The following DNAH17 variants were observed in gnomAD, a reference collection of about 807,000 sequenced individuals.
DNAH17 encodes dynein axonemal heavy chain 17, also known as axonemal beta dynein heavy chain 17.
A neutral mutation model predicts 485.6 loss-of-function variants in DNAH17; 376 were observed. The ratio of observed to expected loss-of-function variants is 0.77; its 90% confidence interval spans 0.71 to 0.84. The LOEUF (loss-of-function observed/expected upper bound fraction) is 0.84. Ranked by LOEUF, DNAH17 falls within the 40% of genes least tolerant of loss-of-function variation. The pLI, the probability that DNAH17 is intolerant of heterozygous loss-of-function variation, is 0.00. For missense variants in DNAH17, 6,370 were observed against 5,839.3 expected, an observed-to-expected ratio of 1.09 and a Z score of -2.96; for synonymous variants, 3,031 against 2,405.9, an observed-to-expected ratio of 1.26 and a Z score of -7.60.
intron 31 of DNAH17, among the ~76,000 whole-genome samples, chr17:78,504,773 G>A (rs2090430970): frequency 6.6e-6 from 1 of 152,228 alleles, no homozygotes; most frequent in Middle Eastern, 3.4e-3. Context: ...TCTGAGTGGT[G>A]GGCTGTGCAG....
In DNAH17 at chr17:78,481,231, T is replaced by C. The variant is rs542577806; in HGVS notation, c.7650-445A>G. On this transcript the variant is annotated intron_variant, in intron 48 of 80. Coordinates refer to ENST00000389840, the MANE Select transcript of DNAH17 (RefSeq NM_173628.4). Reference sequence around the variant, plus strand: ...CATTCTCCTGCCTCAGCCTCCCGAGTAGCTGAGACTACAGGTGCCCGCCAC... The same window carrying C: ...CATTCTCCTGCCTCAGCCTCCCGAGCAGCTGAGACTACAGGTGCCCGCCAC... Among the ~76,000 whole-genome samples the C allele has an allele frequency of 1.1e-4, 17 of 151,178 alleles. No homozygotes were observed. In the South Asian group the frequency reaches 3.5e-3, roughly 32 times the overall value.
At chr17:78,469,150 CTTTT>C (rs888053961) in intron 54 of DNAH17, among the ~76,000 whole-genome samples, 24 of 139,882 alleles carry the variant, frequency 1.7e-4, no homozygotes, top group African/African-American at 7.3e-4. Flanking sequence ...CTGTCTTTTT[CTTTT>C]TTTTTGAGAC....
intron 73 of DNAH17, among the ~76,000 whole-genome samples, chr17:78,438,789 G>A (rs765540252): frequency 1.3e-4 from 20 of 152,084 alleles, no homozygotes; most frequent in Admixed American, 8.5e-4. Context: ...GTGAGCCACC[G>A]TGCCCAACCA....
chr17:78,501,037 T>C, intron 35 of DNAH17, 147 bp downstream of exon 35: 1 of 924,922 alleles, frequency 1.1e-6, no homozygotes, highest in Non-Finnish European at 1.5e-6. Flanking sequence ...GACACAGTGG[T>C]AGAACTGAAT....
In DNAH17 at chr17:78,463,023, T is replaced by C; in HGVS notation, c.8995A>G (p.Asn2999Asp). The C allele has an allele frequency of 2.5e-6, 4 of 1,613,970 alleles. 1 individual carries two copies. Among genetic ancestry groups the C allele is most frequent in the Non-Finnish European group, 3.4e-6 (4 of 1,179,878 alleles). The change falls in exon 57 of 81, where the codon AAC (asparagine) becomes GAC (aspartate). Residue 2999 changes from asparagine to aspartate, a missense_variant. Coordinates refer to ENST00000389840, the MANE Select transcript of DNAH17 (RefSeq NM_173628.4). ...FFMSYVHTTV[N>D]EMSRVYLATE... is the part of the protein sequence containing the mutation. ...GCCAGGTATACCCTGGACATCTCGT[T>C]GACGGTGGTGTGCACGTAGGACATG...
rs2092378111 is a variant in DNAH17 at position 78,572,729 on chromosome 17, G to C, written c.511C>G (p.Leu171Val). 1 of 1,610,550 alleles carries C rather than the reference G, an allele frequency of 6.2e-7. No homozygotes were observed. ...LLPIPEHLGSLDGTLESMERI... is the reference protein window; with the variant it reads ...LLPIPEHLGSVDGTLESMERI... ...TCCATGGACTCCAGCGTGCCATCCA[G>C]GCTGCCCAGGTGCTCCGGAATAGGC... Residue 171 changes from leucine to valine, a missense_variant, in exon 3 of 81, where the codon CTG becomes GTG. Leu to Val is a conservative substitution (Grantham distance 32). Transcript: ENST00000389840.
Position 78,552,769 on chromosome 17 carries a change from T to C in DNAH17, c.2215A>G (p.Ile739Val). The change falls in exon 15 of 81, where the codon ATA becomes GTA. Residue 739 changes from isoleucine to valine, a missense_variant. Transcript: ENST00000389840. ...TCAATTGCTTCCAGTTCTGACTTTATTAGTAGAAATTCTACTGCCTTCACT... is the reference window on the plus strand; with the variant it reads ...TCAATTGCTTCCAGTTCTGACTTTACTAGTAGAAATTCTACTGCCTTCACT... The part of the protein sequence containing the change: ...TIVKAVEFLL[I>V]KSELEAIDVK... The C allele has an allele frequency of 1.2e-6, 2 of 1,613,760 alleles. No homozygotes were observed. Among genetic ancestry groups the C allele is most frequent in the Non-Finnish European group, 1.7e-6 (2 of 1,179,638 alleles).
At chr17:78,432,514 C>T (rs1487755977) in intron 75 of DNAH17, among the ~76,000 whole-genome samples, 1 of 152,190 alleles carries the variant, frequency 6.6e-6, no homozygotes, top group Non-Finnish European at 1.5e-5. Flanking sequence ...GGTGTGCCTC[C>T]CAGGGAACTA....
intron 14 of DNAH17, among the ~76,000 whole-genome samples, chr17:78,557,175 TCACA>T (rs1184864348): frequency 6.6e-6 from 1 of 152,144 alleles, no homozygotes; most frequent in East Asian, 1.9e-4. Context: ...TCCTAGCCCC[TCACA>T]CACAGCTTCC....
At chr17:78,495,653 G>A (rs1410762408) in intron 38 of DNAH17, among the ~76,000 whole-genome samples, 1 of 152,132 alleles carries the variant, frequency 6.6e-6, no homozygotes, top group African/African-American at 2.4e-5. Context: ...GACCGGGCTG[G>A]TCTTGAACTC....
chr17:78,501,946 C>A (rs932863915), intron 33 of DNAH17, 73 bp from the exon 34 acceptor site: 4 of 1,592,310 alleles, frequency 2.5e-6, no homozygotes, highest in African/African-American at 1.3e-5. Flanking sequence ...GGCTGGGTGC[C>A]CACAGCTGCA....
At chr17:78,553,297 T>G (rs1405734781) in intron 14 of DNAH17, among the ~76,000 whole-genome samples, 16 of 51,320 alleles carry the variant, frequency 3.1e-4, no homozygotes, top group East Asian at 1.9e-3. Flanking sequence ...TTTTTTTTTT[T>G]TTTTTTTTTT....
At chr17:78,475,229 C>G in intron 54 of DNAH17, 49 bp downstream of exon 54, 1 of 1,590,806 alleles carries the variant, frequency 6.3e-7, no homozygotes, top group Non-Finnish European at 8.6e-7. Context: ...TTTTTCTTTA[C>G]TCCCTGACCC....
chr17:78,527,475 A>G lies in DNAH17; in HGVS notation c.3508-479T>C, dbSNP rs74912456. Among the ~76,000 whole-genome samples the G allele has an allele frequency of 6.1e-4, 93 of 152,250 alleles. 5 individuals carry two copies. The East Asian group carries it at 0.015, about 25-fold the overall frequency. Reference sequence around the variant, plus strand: ...GTTAACTAGACCAGAGAATGTACTCACCTTTCATCATGTTTTTAAACCTGA... The same window carrying G: ...GTTAACTAGACCAGAGAATGTACTCGCCTTTCATCATGTTTTTAAACCTGA... On this transcript the variant is annotated intron_variant, in intron 22 of 80. Transcript: ENST00000389840.
At chr17:78,524,767 AAG>A (rs1372173079) in intron 25 of DNAH17, among the ~76,000 whole-genome samples, 2 of 152,158 alleles carry the variant, frequency 1.3e-5, no homozygotes, top group African/African-American at 4.8e-5. Context: ...GAGGGGAAAA[AAG>A]AAAGGGGGGC....
chr17:78,495,854 A>G, intron 38 of DNAH17, 21 bp downstream of exon 38: 1 of 1,604,180 alleles, frequency 6.2e-7, no homozygotes, highest in Non-Finnish European at 8.5e-7. Context: ...GCAGCCACTC[A>G]CTTTCACCTG....
Position 78,429,136 on chromosome 17 carries a change from G to C in DNAH17, c.12390C>G (p.Pro4130=). The C allele has an allele frequency of 6.2e-7, 1 of 1,613,124 alleles. No individual in the cohort carries two copies. The highest frequency in any genetic ancestry group is 8.5e-7 in the Non-Finnish European group (1 of 1,179,598). Residue 4130 remains proline, a synonymous_variant, in exon 76 of 81, where the codon CCC becomes CCG. Coordinates refer to ENST00000389840, the MANE Select transcript of DNAH17 (RefSeq NM_173628.4). ...VLLAPGFQIP[P]NLDYKGYHEY... ...TCATCCTTACCTTGTAGTCCAGGTTGGGGGGGATCTGAAAGCCGGGGGCCA... is the reference window on the plus strand; with the variant it reads ...TCATCCTTACCTTGTAGTCCAGGTTCGGGGGGATCTGAAAGCCGGGGGCCA...
In DNAH17 at chr17:78,459,898, T is replaced by TTGGGGATCTTGCCCC. The variant is rs1417052468; in HGVS notation, c.9524_9538dup (p.Pro3179_Lys3180insArgGlyLysIlePro). 6.2e-7 allele frequency: 1 copy of TTGGGGATCTTGCCCC among 1,613,922 alleles called. No homozygotes were observed. The highest frequency in any genetic ancestry group is 1.3e-5 in the African/African-American group (1 of 74,934). On this transcript the variant is annotated inframe_insertion, in exon 60 of 81. Coordinates refer to ENST00000389840, the MANE Select transcript of DNAH17 (RefSeq NM_173628.4). ...CTTGGCCGCCTTCCAGCTCTTGTCCTTGGGGATCTTGCCCCCAGGTGCGGT... is the reference window on the plus strand; with the variant it reads ...CTTGGCCGCCTTCCAGCTCTTGTCCTTGGGGATCTTGCCCCTGGGGATCTTGCCCCCAGGTGCGGT...
At chr17:78,491,282 G>T (rs778312768) in intron 43 of DNAH17, among the ~76,000 whole-genome samples, 161 bp downstream of exon 43, 1 of 152,214 alleles carries the variant, frequency 6.6e-6, no homozygotes, top group Non-Finnish European at 1.5e-5. Context: ...AAAGTCTCAC[G>T]ACAAGGTGCC....
Sources: gnomAD v4.1 joint callset for allele counts (sites outside exome capture counted in the v4.1 genomes callset) on GRCh38, gnomAD v4.1.1 for gene constraint, MANE v1.5 for transcripts, NCBI Gene and HGNC (gene_info 2026-07-23, HGNC 2026-07-21) for gene names.